TMEM130: variants seen among roughly 807,000 people sequenced by gnomAD.
TMEM130 encodes transmembrane protein 130.
In TMEM130, 37 loss-of-function variants were observed where a neutral mutation model predicts 42.9. The observed-to-expected ratio is 0.86, with a 90% CI of 0.66 to 1.13. The LOEUF is 1.13. TMEM130 is among the 50% of genes most tolerant of loss of function. TMEM130 has a pLI of 0.00. For missense variants in TMEM130, 545 were observed against 562.6 expected (o/e 0.97, Z 0.32); for synonymous variants, 259 against 237.7 (o/e 1.09, Z -0.82).
intron 5 of TMEM130, 113 bp downstream of exon 5, chr7:98,855,127 C>T: frequency 1.2e-6 from 1 of 828,498 alleles, no homozygotes; most frequent in Admixed American, 3.0e-5. Flanking sequence ...ACTGCCCTTC[C>T]ATGAGGTCCC....
intron 5 of TMEM130, among the ~76,000 whole-genome samples, chr7:98,852,571 T>G (rs933453872): frequency 2.6e-5 from 4 of 151,716 alleles, no homozygotes; most frequent in Non-Finnish European, 5.9e-5. Flanking sequence ...GAGAGAGTTG[T>G]TTTTTGTTTG....
At chr7:98,860,732 C>G (rs1794752603) in intron 2 of TMEM130, among the ~76,000 whole-genome samples, 1 of 151,758 alleles carries the variant, frequency 6.6e-6, no homozygotes, top group African/African-American at 2.4e-5. Context: ...ATCACAAGGT[C>G]AAGAGTTCAA....
chr7:98,863,881 TCTCTCTCTCTCTCA>T, intron 1 of TMEM130, among the ~76,000 whole-genome samples: 1 of 150,400 alleles, frequency 6.6e-6, no homozygotes, highest in South Asian at 2.1e-4. Context: ...TTTCTTCCTC[TCTCTCTCTCTCTCA>T]CTCTCTCTCT....
chr7:98,862,294 CAGAA>C (rs782293634), intron 2 of TMEM130, among the ~76,000 whole-genome samples: 3 of 68,908 alleles, frequency 4.4e-5, no homozygotes, highest in Non-Finnish European at 9.6e-5. Flanking sequence ...GAGACAGAGA[CAGAA>C]AGAGACAAAG....
chr7:98,860,122 GC>G, intron 3 of TMEM130, 56 bp downstream of exon 3: 1 of 1,548,018 alleles, frequency 6.5e-7, no homozygotes. Context: ...TGCACAGTGC[GC>G]GGGACAGTGG....
At chr7:98,864,436 C>T (rs942468662) in intron 1 of TMEM130, among the ~76,000 whole-genome samples, 1 of 143,232 alleles carries the variant, frequency 7.0e-6, no homozygotes, top group Non-Finnish European at 1.5e-5. Context: ...AGCCTGGTCT[C>T]GAACTCCTGG....
chr7:98,860,191 T>TCCCAG lies in TMEM130; in HGVS notation c.534_538dup (p.Asp180AlafsTer11), dbSNP rs1554399560. The TCCCAG allele has an allele frequency of 6.2e-7, 1 of 1,613,102 alleles. No homozygotes were observed. The highest frequency in any genetic ancestry group is 1.3e-5 in the African/African-American group (1 of 74,884). On this transcript the variant is annotated frameshift_variant, in exon 3 of 8. Coordinates refer to ENST00000339375, the MANE Select transcript of TMEM130 (RefSeq NM_152913.3). LOFTEE classifies it high-confidence loss of function. ...GGTAAGGACCTACCCGTCCCCGAAGTCCCAGCTGTAGAGAAACAAGGCGGT... is the reference window on the plus strand; with the variant it reads ...GGTAAGGACCTACCCGTCCCCGAAGTCCCAGCCCAGCTGTAGAGAAACAAGGCGGT...
At chr7:98,860,936 C>G (rs1199619085) in intron 2 of TMEM130, among the ~76,000 whole-genome samples, 1 of 79,222 alleles carries the variant, frequency 1.3e-5, no homozygotes, top group African/African-American at 5.1e-5. Context: ...GAGCAAGACT[C>G]TGTCTCAAAA....
At chr7:98,850,569 G>A (rs975429691) in intron 6 of TMEM130, among the ~76,000 whole-genome samples, 9 of 151,652 alleles carry the variant, frequency 5.9e-5, no homozygotes, top group African/African-American at 1.2e-4. Flanking sequence ...ACGAGCCACC[G>A]CATCTGTCCT....
intron 5 of TMEM130, among the ~76,000 whole-genome samples, chr7:98,852,885 C>A (rs1794543266): frequency 6.6e-6 from 1 of 152,172 alleles, no homozygotes; most frequent in African/African-American, 2.4e-5. Context: ...ACATGAGCTA[C>A]CGTCCCTGAC....
At position 98,847,534 on chromosome 7, in the gene TMEM130, GTGTGTGT is replaced by G. The variant is rs1554397498; in HGVS notation, c.*515_*521del. On this transcript the variant is annotated 3_prime_UTR_variant, in exon 8 of 8. Transcript: ENST00000339375. The stretch of plus-strand genomic sequence containing the variant: ...TGTGTGTGTGTGTGTGTGTGTGTGT[GTGTGTGT>G]GGTGTGTGTACATGCACACTTCTCT... 2 of 108,962 alleles carry G rather than the reference GTGTGTGT, an allele frequency of 1.8e-5. No homozygotes were observed. Among genetic ancestry groups the G allele is most frequent in the African/African-American group, 6.4e-5 (2 of 31,194 alleles). The allele number at this position is 108,962 out of a possible 1,614,324, so 6.7% of individuals were successfully genotyped here.
chr7:98,852,414 G>C (rs1167351555), intron 5 of TMEM130, among the ~76,000 whole-genome samples: 1 of 152,092 alleles, frequency 6.6e-6, no homozygotes, highest in East Asian at 1.9e-4. Flanking sequence ...ACAGGCGTGA[G>C]CCACTGCGCC....
In TMEM130 at chr7:98,863,161, C is replaced by G; in HGVS notation, c.325G>C (p.Val109Leu). Residue 109 changes from valine to leucine, a missense_variant, in exon 2 of 8, where the codon GTC (valine) becomes CTC (leucine). Val to Leu is a conservative substitution (Grantham distance 32). Coordinates refer to ENST00000339375, the MANE Select transcript of TMEM130 (RefSeq NM_152913.3). ...CACATCCAGCAGTCAGCGGCAGTGA[C>G]CCAGACAGAGACCGGGAATTCCCCG... ...VPGEFPVSVWVTAADCWMCQP... is the reference protein window; with the variant it reads ...VPGEFPVSVWLTAADCWMCQP... The G allele has an allele frequency of 1.2e-6, 2 of 1,614,090 alleles. No individual in the cohort carries two copies. The highest frequency in any genetic ancestry group is 1.1e-5 in the South Asian group (1 of 91,086).
intron 3 of TMEM130, 78 bp from the exon 4 acceptor site, chr7:98,856,261 T>C (rs1794631719): frequency 1.3e-5 from 19 of 1,446,002 alleles, no homozygotes; most frequent in Admixed American, 1.8e-5. Context: ...AAGTGATTCA[T>C]GGGACTTGCC....
At chr7:98,848,384 G>A in intron 7 of TMEM130, 176 bp from the exon 8 acceptor site, 1 of 821,962 alleles carries the variant, frequency 1.2e-6, no homozygotes, top group South Asian at 1.8e-5. Flanking sequence ...ATGGATATAG[G>A]AGATAAATCA....
rs1794986286 is a variant in TMEM130, at chr7:98,869,644, A to G, written c.85+133T>C. On this transcript the variant is annotated intron_variant, in intron 1 of 7. Transcript: ENST00000339375. This position sits in a 1 kb window ranked among gnomAD's most constrained non-coding sequence, Gnocchi z 4.7. ...AAGGGCGCTGCAGTGGCCTCAGCCG[A>G]GGAGGGAGATGCGCGCAGGGCGCAC... is the stretch of plus-strand genomic sequence containing the variant. The G allele has an allele frequency of 1.4e-6, 1 of 706,670 alleles. No individual in the cohort carries two copies. Among genetic ancestry groups the G allele is most frequent in the Non-Finnish European group, 2.1e-6 (1 of 485,318 alleles). The allele number at this position is 706,670 out of a possible 1,614,324, so 43.8% of individuals were successfully genotyped here.
chr7:98,864,235 T>G (rs1794857563), intron 1 of TMEM130, among the ~76,000 whole-genome samples: 1 of 152,030 alleles, frequency 6.6e-6, no homozygotes, highest in Non-Finnish European at 1.5e-5. Flanking sequence ...AGACAAGATC[T>G]CCCTCTGTCA....
rs1554401088 is a variant in TMEM130, at chr7:98,869,757, C to G, written c.85+20G>C. The G allele has an allele frequency of 7.4e-7, 1 of 1,360,228 alleles. No homozygotes were observed. The highest frequency in any genetic ancestry group is 1.5e-5 in the African/African-American group (1 of 65,362). The allele number at this position is 1,360,228 out of a possible 1,614,324, so 84.3% of individuals were successfully genotyped here. On this transcript the variant is annotated intron_variant, in intron 1 of 7. Coordinates refer to ENST00000339375, the MANE Select transcript of TMEM130 (RefSeq NM_152913.3). The surrounding 1 kb of genome is among the most constrained non-coding windows in gnomAD (Gnocchi z 4.7). Reference sequence around the variant, plus strand: ...GGGCGGGCTGCGGCTGCAGGGAGGCCGGATTGCCCAGCGCCTTACCTGCGG... The same window carrying G: ...GGGCGGGCTGCGGCTGCAGGGAGGCGGGATTGCCCAGCGCCTTACCTGCGG...
chr7:98,850,265 A>ATTTTTTTTTTTTTTT (rs1350696474), intron 6 of TMEM130, among the ~76,000 whole-genome samples: 1 of 20,496 alleles, frequency 4.9e-5, no homozygotes, highest in Admixed American at 6.7e-4. Flanking sequence ...ATATATATAT[A>ATTTTTTTTTTTTTTT]TATATATATT....
Sources: allele counts gnomAD v4.1 joint callset (sites outside exome capture counted in the v4.1 genomes callset), GRCh38; gene constraint gnomAD v4.1.1; non-coding constraint Gnocchi (gnomAD v3.1); transcripts MANE v1.5; gene names NCBI Gene and HGNC (gene_info 2026-07-23, HGNC 2026-07-21).